The following DCC variants were observed in gnomAD, a reference collection of about 807,000 sequenced individuals.
DCC encodes DCC netrin 1 receptor.
A neutral mutation model predicts 172.5 loss-of-function variants in DCC; 58 were observed. The ratio of observed to expected loss-of-function variants is 0.34; its 90% confidence interval spans 0.27 to 0.42. DCC has a LOEUF of 0.42. DCC is among the 10% of genes least tolerant of loss of function. The pLI is 1.00. For synonymous variants in DCC, 709 were observed against 644.5 expected, an observed-to-expected ratio of 1.10 and a Z score of -1.52; for missense variants, 1,740 against 1,791.0, an observed-to-expected ratio of 0.97 and a Z score of 0.51.
chr18:53,529,962 T>A (rs541619739), intron 28 of DCC, among the ~76,000 whole-genome samples: 98 of 152,308 alleles, frequency 6.4e-4, no homozygotes, highest in African/African-American at 2.2e-3. Flanking sequence ...GCATGAATTT[T>A]GTTTCCACAC....
At chr18:52,916,379 T>A (rs1019637862) in intron 3 of DCC, among the ~76,000 whole-genome samples, 1 of 152,200 alleles carries the variant, frequency 6.6e-6, no homozygotes, top group African/African-American at 2.4e-5. Context: ...TTCAAGTTTT[T>A]AAGTTAGAAA....
At chr18:53,024,568 C>T (rs1311981812) in intron 5 of DCC, among the ~76,000 whole-genome samples, 6 of 152,098 alleles carry the variant, frequency 3.9e-5, no homozygotes, top group East Asian at 1.9e-4. Context: ...TGAATCACAG[C>T]GAATGGGAAA....
chr18:52,461,600 T>C (rs1988632491), intron 1 of DCC, among the ~76,000 whole-genome samples: 1 of 152,222 alleles, frequency 6.6e-6, no homozygotes, highest in Non-Finnish European at 1.5e-5. Context: ...TATGATGTTA[T>C]GACAGCTACA....
chr18:52,700,907 G>A (rs1390302373), intron 1 of DCC, among the ~76,000 whole-genome samples: 12 of 152,180 alleles, frequency 7.9e-5, no homozygotes, highest in Admixed American at 7.9e-4. Flanking sequence ...GACTAGCATT[G>A]CAAGTACAAA....
At chr18:53,210,094 G>A (rs999814199) in intron 11 of DCC, among the ~76,000 whole-genome samples, 6 of 152,244 alleles carry the variant, frequency 3.9e-5, no homozygotes, top group South Asian at 2.1e-4. Context: ...CCGTGACCTC[G>A]TTTGCATTCA....
intron 5 of DCC, among the ~76,000 whole-genome samples, chr18:53,014,413 C>T (rs959385166): frequency 1.1e-4 from 13 of 122,298 alleles, no homozygotes; most frequent in Admixed American, 1.6e-4. Context: ...GGTATATCTC[C>T]TAATGTTATC....
chr18:52,995,065 CA>C (rs1358441559), intron 5 of DCC, among the ~76,000 whole-genome samples: 12 of 152,114 alleles, frequency 7.9e-5, no homozygotes, highest in African/African-American at 2.9e-4. Context: ...CCTAAATTAA[CA>C]TGAATTTAAT....
intron 1 of DCC, among the ~76,000 whole-genome samples, chr18:52,495,721 T>A (rs1219097373): frequency 4.6e-5 from 7 of 152,068 alleles, no homozygotes; most frequent in African/African-American, 1.7e-4. Context: ...TGTAAAGGCT[T>A]TGAATTCTGG....
At chr18:52,696,158 G>A (rs749235621) in intron 1 of DCC, among the ~76,000 whole-genome samples, 12 of 152,086 alleles carry the variant, frequency 7.9e-5, no homozygotes, top group Admixed American at 2.6e-4. Context: ...TAATGAATAT[G>A]GTCTTTAAGA....
intron 7 of DCC, among the ~76,000 whole-genome samples, chr18:53,146,023 C>A (rs949136887): frequency 1.3e-5 from 2 of 151,870 alleles, no homozygotes; most frequent in Non-Finnish European, 2.9e-5. Flanking sequence ...CACTTGAGAC[C>A]AGGAGTTTGA....
intron 1 of DCC, among the ~76,000 whole-genome samples, chr18:52,592,896 T>G (rs2033829495): frequency 6.6e-6 from 1 of 152,086 alleles, no homozygotes; most frequent in Non-Finnish European, 1.5e-5. Context: ...CCTCCCAACT[T>G]GGCCTCCCGA....
chr18:53,496,281 C>T (rs779928257), intron 26 of DCC, among the ~76,000 whole-genome samples: 10 of 152,186 alleles, frequency 6.6e-5, no homozygotes, highest in Non-Finnish European at 1.3e-4. Context: ...TGCTGTCCTG[C>T]AGCCTCCACT....
chr18:53,246,934 T>G (rs1009493139), intron 12 of DCC, among the ~76,000 whole-genome samples: 1 of 152,064 alleles, frequency 6.6e-6, no homozygotes, highest in African/African-American at 2.4e-5. Flanking sequence ...AACTTTAGTA[T>G]AGCCTATAAA....
At chr18:53,253,820 ACCTT>A (rs2056472111) in intron 12 of DCC, among the ~76,000 whole-genome samples, 1 of 152,054 alleles carries the variant, frequency 6.6e-6, no homozygotes. Flanking sequence ...ATTTTTATTT[ACCTT>A]AGTATAAGAA....
At chr18:53,186,013 A>G (rs2055276459) in intron 9 of DCC, among the ~76,000 whole-genome samples, 1 of 152,212 alleles carries the variant, frequency 6.6e-6, no homozygotes. Flanking sequence ...AAAGTGAAGG[A>G]CATAGCTTAC....
intron 2 of DCC, among the ~76,000 whole-genome samples, chr18:52,807,260 T>C (rs2038105321): frequency 6.6e-6 from 1 of 152,204 alleles, no homozygotes; most frequent in Admixed American, 6.5e-5. Flanking sequence ...TGGGTAATAC[T>C]AGACGCACTG....
rs536354592 is a variant in DCC, at chr18:53,447,822, AAG to A, written c.3230-2677_3230-2676del. On this transcript the variant is annotated intron_variant, in intron 22 of 28. Transcript: ENST00000442544. ...TAAATAATAAGTAAAACTGTGAAAA[AAG>A]GGAGTTTTGACCTTTCATTTTTTGC... Among the ~76,000 whole-genome samples, 165 of 152,244 alleles carry A rather than the reference AAG, an allele frequency of 1.1e-3. 2 individuals are homozygous for A. The highest frequency in any genetic ancestry group is 6.8e-3 in the Middle Eastern group (2 of 294).
At chr18:53,246,120 C>G (rs1282690597) in intron 12 of DCC, among the ~76,000 whole-genome samples, 1 of 152,066 alleles carries the variant, frequency 6.6e-6, no homozygotes, top group Non-Finnish European at 1.5e-5. Flanking sequence ...TAGGTCCCCT[C>G]ATTTCTCAGA....
chr18:53,099,939 C>CTTT (rs200213348), intron 7 of DCC, among the ~76,000 whole-genome samples: 18,459 of 83,160 alleles, frequency 0.22, 3,291 homozygotes, highest in Non-Finnish European at 0.28. Flanking sequence ...TCTTTTCTTT[C>CTTT]TTTCTTTTTT....
Sources: gnomAD v4.1 joint callset for allele counts (sites outside exome capture counted in the v4.1 genomes callset) on GRCh38, gnomAD v4.1.1 for gene constraint, MANE v1.5 for transcripts, NCBI Gene and HGNC (gene_info 2026-07-23, HGNC 2026-07-21) for gene names.